REV1: variants seen among roughly 807,000 people sequenced by gnomAD.
The protein encoded by REV1 is REV1 DNA directed polymerase.
Under a neutral mutation model 137.4 loss-of-function variants are expected in REV1, and 42 were observed. The observed-to-expected ratio is 0.31, with a 90% CI of 0.24 to 0.40. REV1 has a LOEUF of 0.40. Among genes scored for constraint, REV1 ranks in the 10% least tolerant of loss-of-function variants. The pLI is 1.00. For missense variants in REV1, 1,282 were observed against 1,490.1 expected, an observed-to-expected ratio of 0.86 and a Z score of 2.30; for synonymous variants, 524 against 519.2, an observed-to-expected ratio of 1.01 and a Z score of -0.12.
At chr2:99,445,466 T>C (rs1334064564) in intron 4 of REV1, among the ~76,000 whole-genome samples, 1 of 152,132 alleles carries the variant, frequency 6.6e-6, no homozygotes, top group East Asian at 1.9e-4. Context: ...AGGTTCTCAA[T>C]CTACAAGGAT....
chr2:99,446,410 C>T (rs1003754755), intron 4 of REV1, among the ~76,000 whole-genome samples: 1 of 152,192 alleles, frequency 6.6e-6, no homozygotes, highest in African/African-American at 2.4e-5. Context: ...ATCTAAGTTG[C>T]TTTTTCTATC....
chr2:99,474,404 A>T (rs1382736160), intron 1 of REV1, among the ~76,000 whole-genome samples: 1 of 152,238 alleles, frequency 6.6e-6, no homozygotes, highest in Non-Finnish European at 1.5e-5. Flanking sequence ...TGGAAAAAAT[A>T]ATAATGGTAT....
In REV1 at chr2:99,435,961, A is replaced by G. The variant is rs1424641476; in HGVS notation, c.1214-20T>C. The G allele has an allele frequency of 3.7e-6, 5 of 1,334,030 alleles. No individual in the cohort carries two copies. The African/African-American group carries it at 4.3e-5, about 12-fold the overall frequency. 82.6% of individuals were successfully genotyped at this position (1,334,030 alleles called of 1,614,324 possible). ...TATCTCCTAGAAGGAAAAAGACAGC[A>G]TTCAAACCCCAAGCTAATTTTTACT... On this transcript the variant is annotated intron_variant, in intron 6 of 22. Transcript: ENST00000258428.
chr2:99,477,301 A>G (rs1302421246), intron 1 of REV1, among the ~76,000 whole-genome samples: 4 of 152,192 alleles, frequency 2.6e-5, no homozygotes, highest in Non-Finnish European at 5.9e-5. Context: ...TATGAACCAT[A>G]TTCCTAAAGA....
Position 99,403,688 on chromosome 2 carries a change from G to A in REV1, c.3166+7C>T. ...CATTTTTGTTACATGCCACTTCCAA[G>A]GCTCACCAGATGCGCTGGCTGACTG... On this transcript the variant is annotated splice_region_variant and intron_variant, in intron 19 of 22. Coordinates refer to ENST00000258428, the MANE Select transcript of REV1 (RefSeq NM_016316.4). 1.9e-6 allele frequency: 3 copies of A among 1,614,122 alleles called. No homozygotes were observed. The highest frequency in any genetic ancestry group is 2.5e-6 in the Non-Finnish European group (3 of 1,180,014).
At chr2:99,457,387 T>C (rs1421000024) in intron 3 of REV1, among the ~76,000 whole-genome samples, 1 of 152,160 alleles carries the variant, frequency 6.6e-6, no homozygotes. Flanking sequence ...TGACTTATTT[T>C]AACATTTATA....
At chr2:99,415,533 T>C (rs1290274414) in intron 12 of REV1, among the ~76,000 whole-genome samples, 1 of 152,266 alleles carries the variant, frequency 6.6e-6, no homozygotes, top group Non-Finnish European at 1.5e-5. Context: ...CAACTGAACT[T>C]TCTGCAGTGA....
intron 20 of REV1, 23 bp from the exon 21 acceptor site, chr2:99,402,823 A>C: frequency 6.8e-6 from 11 of 1,613,836 alleles, no homozygotes; most frequent in Non-Finnish European, 9.3e-6. Flanking sequence ...CAAAGGATAA[A>C]ATTGCTATAT....
chr2:99,473,812 T>C (rs1014405427), intron 1 of REV1, among the ~76,000 whole-genome samples: 3 of 152,238 alleles, frequency 2.0e-5, no homozygotes, highest in Admixed American at 6.5e-5. Context: ...TTACAGGTTT[T>C]GGTACATAAG....
intron 6 of REV1, chr2:99,436,750 CATCCTT>C (rs1346927124): frequency 6.6e-6 from 1 of 152,190 alleles, no homozygotes; most frequent in Non-Finnish European, 1.5e-5. Flanking sequence ...TTATCAGTCT[CATCCTT>C]AGCCTGTTCG....
chr2:99,456,019 C>T (rs1372346798), intron 3 of REV1, among the ~76,000 whole-genome samples: 1 of 152,060 alleles, frequency 6.6e-6, no homozygotes, highest in Non-Finnish European at 1.5e-5. Flanking sequence ...AATCTCACAC[C>T]ACTAAAGTGC....
At chr2:99,466,252 C>CT (rs1002737854) in intron 1 of REV1, among the ~76,000 whole-genome samples, 23 of 147,416 alleles carry the variant, frequency 1.6e-4, no homozygotes, top group African/African-American at 3.0e-4. Flanking sequence ...TGCCCGGCCT[C>CT]TTTTTTTTGA....
chr2:99,424,994 AT>A, intron 9 of REV1: 1 of 833,152 alleles, frequency 1.2e-6, no homozygotes, highest in Non-Finnish European at 1.6e-6. Flanking sequence ...TAATTATGGA[AT>A]TATACATAAT....
At chr2:99,488,160 T>C (rs1687307488) in intron 1 of REV1, among the ~76,000 whole-genome samples, 1 of 118,954 alleles carries the variant, frequency 8.4e-6, no homozygotes, top group South Asian at 2.4e-4. Flanking sequence ...ATATTATATG[T>C]AGTCACTGCA....
At chr2:99,443,058 C>T (rs1014504392) in intron 4 of REV1, among the ~76,000 whole-genome samples, 1 of 152,120 alleles carries the variant, frequency 6.6e-6, no homozygotes, top group Non-Finnish European at 1.5e-5. Flanking sequence ...AACTGAAGTT[C>T]CCAAATGTCT....
At chr2:99,464,247 TTTAAA>T (rs2105140823) in intron 2 of REV1, among the ~76,000 whole-genome samples, 1 of 152,344 alleles carries the variant, frequency 6.6e-6, no homozygotes, top group East Asian at 1.9e-4. Context: ...TTATTAGGTC[TTTAAA>T]TTAAAGGTGT....
At chr2:99,408,710 A>T (rs1418507084) in intron 14 of REV1, among the ~76,000 whole-genome samples, 3 of 152,192 alleles carry the variant, frequency 2.0e-5, no homozygotes, top group Non-Finnish European at 2.9e-5. Context: ...TGCTGACCTC[A>T]CCCACCATTT....
chr2:99,457,224 A>G (rs1171577607), intron 3 of REV1, among the ~76,000 whole-genome samples: 1 of 152,196 alleles, frequency 6.6e-6, no homozygotes, highest in Non-Finnish European at 1.5e-5. Context: ...CATCCAAAAT[A>G]TATCTGTTCA....
chr2:99,438,858 C>T lies in REV1; in HGVS notation c.956G>A (p.Gly319Glu). ...AGAAGTGCTTTTTGTGCTTGAAGGCCCCTGAACAGTGGAGTGGTGAGCACC... is the reference window on the plus strand; with the variant it reads ...AGAAGTGCTTTTTGTGCTTGAAGGCTCCTGAACAGTGGAGTGGTGAGCACC... ...INGAHHSTVQ[G>E]PSSTKSTSSV... The change falls in exon 6 of 23, where the codon GGG (glycine) becomes GAG (glutamate). Residue 319 changes from glycine (G) to glutamate (E), a missense_variant. Gly to Glu is a moderately conservative substitution (Grantham distance 98). Coordinates refer to ENST00000258428, the MANE Select transcript of REV1 (RefSeq NM_016316.4). 1 of 1,614,166 alleles carries T rather than the reference C, an allele frequency of 6.2e-7. No individual in the cohort carries two copies. Among genetic ancestry groups the T allele is most frequent in the African/African-American group, 1.3e-5 (1 of 75,056 alleles).
Sources: gnomAD v4.1 joint callset for allele counts (sites outside exome capture counted in the v4.1 genomes callset) on GRCh38, gnomAD v4.1.1 for gene constraint, MANE v1.5 for transcripts, NCBI Gene and HGNC (gene_info 2026-07-23, HGNC 2026-07-21) for gene names.